Variants in PRH1 observed in about 807,000 individuals in gnomAD.
The protein encoded by PRH1 is proline rich protein HaeIII subfamily 1, also known as salivary acidic proline-rich phosphoprotein 1/2.
A neutral mutation model predicts 7.9 loss-of-function variants in PRH1; 7 were observed. The ratio of observed to expected loss-of-function variants is 0.89; its 90% CI spans 0.50 to 1.67. PRH1 has a LOEUF of 1.67. PRH1 is among the 40% of genes most tolerant of loss of function. The pLI is 0.00. For missense variants in PRH1, 109 were observed against 223.6 expected (o/e 0.49, Z 3.27); for synonymous variants, 45 against 80.8 (o/e 0.56, Z 2.38).
At chr12:11,001,135 T>C (rs562555411) in intron 1 of PRH1, among the ~76,000 whole-genome samples, 4 of 152,152 alleles carry the variant, frequency 2.6e-5, no homozygotes, top group African/African-American at 7.2e-5. Context: ...AACCTGGAAA[T>C]TGATGTGATG....
intron 1 of PRH1, among the ~76,000 whole-genome samples, chr12:11,070,046 T>C (rs1453755828): frequency 1.3e-5 from 2 of 152,048 alleles, no homozygotes; most frequent in East Asian, 1.9e-4. Context: ...CAGGCATGAG[T>C]GGGGCAGAAG....
intron 1 of PRH1, among the ~76,000 whole-genome samples, chr12:11,163,449 T>A (rs970663266): frequency 3.3e-5 from 5 of 152,226 alleles, no homozygotes; most frequent in African/African-American, 7.2e-5. Context: ...ATAGTTTTTT[T>A]ATCTCCAGAA....
At position 11,087,187 on chromosome 12, in the gene PRH1, G is replaced by C. The variant is rs551141734; in HGVS notation, n.124-39999C>G. On this transcript the variant is annotated intron_variant and non_coding_transcript_variant, in intron 1 of 4. Coordinates refer to the PRH1 transcript ENST00000541977. ...CACAATCATAGCCCACTGCAGCCTT[G>C]AACTCCTGGGCTCAAGCAATCCTCC... 1.0e-4 allele frequency among the ~76,000 whole-genome samples: 12 copies of C among 114,444 alleles called. No individual in the cohort carries two copies. The South Asian group carries it at 2.8e-3, about 27-fold the overall frequency. The allele number at this position is 114,444 out of a possible 152,430, so 75.1% of individuals were successfully genotyped here. A position where few individuals can be genotyped will look rare whatever the true frequency, so the allele number is the denominator to read the frequency against.
intron 1 of PRH1, among the ~76,000 whole-genome samples, chr12:11,081,725 G>T (rs1400492719): frequency 2.6e-5 from 3 of 115,674 alleles, no homozygotes; most frequent in South Asian, 2.3e-4. Context: ...TGTATTCAAA[G>T]AATTAATTTT....
upstream of PRH1, among the ~76,000 whole-genome samples, chr12:10,889,121 T>A (rs764743233): frequency 2.0e-5 from 3 of 152,234 alleles, no homozygotes; most frequent in Admixed American, 2.0e-4. Context: ...ATTCTTGATG[T>A]TCCACAAATT....
intron 1 of PRH1, among the ~76,000 whole-genome samples, chr12:11,129,336 C>T (rs1043924501): frequency 2.0e-5 from 3 of 152,296 alleles, no homozygotes; most frequent in Non-Finnish European, 2.9e-5. Context: ...CGTATGGCAG[C>T]TGGCAGGACT....
chr12:10,965,917 C>G (rs368622605), intron 2 of PRH1, among the ~76,000 whole-genome samples: 1 of 152,190 alleles, frequency 6.6e-6, no homozygotes, highest in East Asian at 1.9e-4. Context: ...TCTTGGGAAC[C>G]ATGGGAATGC....
At chr12:10,910,345 G>T (rs1011296866) in intron 2 of PRH1, among the ~76,000 whole-genome samples, 2 of 152,182 alleles carry the variant, frequency 1.3e-5, no homozygotes. Flanking sequence ...AAAGTTGCCA[G>T]GGGTTGTGGC....
chr12:11,018,873 C>A (rs185257569), intron 1 of PRH1, among the ~76,000 whole-genome samples: 1 of 152,336 alleles, frequency 6.6e-6, no homozygotes, highest in East Asian at 1.9e-4. Context: ...CCTCGTGGAG[C>A]ACATAGTTAG....
At chr12:10,956,584 G>T (rs1002230924) in intron 2 of PRH1, among the ~76,000 whole-genome samples, 2 of 152,080 alleles carry the variant, frequency 1.3e-5, no homozygotes, top group Admixed American at 6.6e-5. Flanking sequence ...ATCAGGAAGA[G>T]AAATAAATAA....
intron 2 of PRH1, among the ~76,000 whole-genome samples, chr12:10,917,747 G>A (rs891573265): frequency 6.6e-6 from 1 of 152,210 alleles, no homozygotes; most frequent in African/African-American, 2.4e-5. Flanking sequence ...TCTGAATTCA[G>A]TAGCAGGAAT....
chr12:11,072,009 C>A (rs190940913), intron 1 of PRH1, among the ~76,000 whole-genome samples: 1,979 of 152,084 alleles, frequency 0.013, 19 homozygotes, highest in Non-Finnish European at 0.018. Context: ...AGGCCTCACT[C>A]TTTTTAACTG....
At chr12:10,980,198 A>G (rs7979087) in intron 1 of PRH1, among the ~76,000 whole-genome samples, 1 of 152,176 alleles carries the variant, frequency 6.6e-6, no homozygotes, top group Non-Finnish European at 1.5e-5. Flanking sequence ...CTCATAATTC[A>G]TTGATCATGG....
chr12:10,961,346 A>G (rs16926141), intron 2 of PRH1, among the ~76,000 whole-genome samples: 2,348 of 151,104 alleles, frequency 0.016, 72 homozygotes, highest in South Asian at 0.031. Flanking sequence ...TAAAATCAGA[A>G]GATGGCAGCA....
intron 3 of PRH1, among the ~76,000 whole-genome samples, chr12:10,881,311 T>A (rs1362939136): frequency 1.3e-5 from 2 of 152,248 alleles, no homozygotes; most frequent in Non-Finnish European, 2.9e-5. Context: ...GCTTTGCTGC[T>A]GTTGGTTATG....
chr12:10,885,279 A>G (rs554057636), upstream of PRH1, among the ~76,000 whole-genome samples: 16 of 152,264 alleles, frequency 1.1e-4, no homozygotes, highest in South Asian at 3.1e-3. Context: ...TTTCTCACCA[A>G]GGATTTTTAT....
rs745787811 is a variant in PRH1 at position 10,908,765 on chromosome 12, C to T, written c.-58-24490G>A. The T allele has an allele frequency of 3.0e-5, 49 of 1,613,608 alleles. 1 individual carries two copies. The highest frequency in any genetic ancestry group is 1.3e-4 in the Admixed American group (8 of 59,916). On this transcript the variant is annotated intron_variant, in intron 2 of 3. Transcript: ENST00000539853. ...TGAACATAGTCATAGTGAATTTGACCGACACTGAAAATGTTTCAAAGTCAC... is the reference window on the plus strand; with the variant it reads ...TGAACATAGTCATAGTGAATTTGACTGACACTGAAAATGTTTCAAAGTCAC...
intron 1 of PRH1, among the ~76,000 whole-genome samples, chr12:11,022,878 ATG>A (rs1941731916): frequency 2.0e-5 from 3 of 151,226 alleles, no homozygotes; most frequent in African/African-American, 7.3e-5. Flanking sequence ...ATGAATTCTC[ATG>A]TGTTAGTATG....
At chr12:10,988,809 G>A (rs1832601173) in intron 1 of PRH1, among the ~76,000 whole-genome samples, 3 of 152,024 alleles carry the variant, frequency 2.0e-5, no homozygotes, top group South Asian at 4.2e-4. Context: ...TCATTTCCTT[G>A]ATTTTCTTTT....
Sources: gnomAD v4.1 joint callset for allele counts (sites outside exome capture counted in the v4.1 genomes callset) on GRCh38, gnomAD v4.1.1 for gene constraint, MANE v1.5 for transcripts, NCBI Gene and HGNC (gene_info 2026-07-23, HGNC 2026-07-21) for gene names.